The following SLC15A4 variants were observed in gnomAD, a reference collection of about 807,000 sequenced individuals.
SLC15A4 encodes the protein hPHT1.
In SLC15A4, 26 loss-of-function variants were observed where a neutral mutation model predicts 46.1. The observed-to-expected ratio is 0.56, with a 90% CI of 0.41 to 0.78. The LOEUF (loss-of-function observed/expected upper bound fraction) is 0.78, where lower values mean the gene tolerates loss of function less well. Among genes scored for constraint, SLC15A4 ranks in the 30% least tolerant of loss-of-function variants. The pLI, the probability that SLC15A4 is intolerant of heterozygous loss-of-function variation, is 0.00. For synonymous variants in SLC15A4, 370 were observed against 333.4 expected (o/e 1.11, Z -1.20); for missense variants, 751 against 755.7 (o/e 0.99, Z 0.07).
At chr12:128,816,549 G>A (rs908521422) in intron 1 of SLC15A4, among the ~76,000 whole-genome samples, 6 of 152,110 alleles carry the variant, frequency 3.9e-5, no homozygotes, top group South Asian at 2.1e-4. Flanking sequence ...AACCAATTAC[G>A]GTTGGGCATG....
In SLC15A4 at chr12:128,823,630, G is replaced by A. The variant is rs1234760300; in HGVS notation, c.314C>T (p.Ala105Val). ...LADARLGRAR[A>V]ILLSLALYLL... ...GTAGAGCGCCAGGCTCAGCAGGATG[G>A]CGCGCGCCCGGCCCAGCCGCGCGTC... The change falls in exon 1 of 8, where the codon GCC becomes GTC. Residue 105 changes from alanine to valine, a missense_variant. Transcript: ENST00000266771. The A allele has an allele frequency of 6.8e-7, 1 of 1,478,948 alleles. No homozygotes were observed. The highest frequency in any genetic ancestry group is 8.9e-7 in the Non-Finnish European group (1 of 1,119,540). 91.6% of individuals were successfully genotyped at this position (1,478,948 alleles called of 1,614,324 possible).
rs201952812 is a variant in SLC15A4 at position 128,815,291 on chromosome 12, T to C, written c.547-221A>G. 2.7e-5 allele frequency: 15 copies of C among 554,710 alleles called. No individual in the cohort carries two copies. In the East Asian group the frequency reaches 4.4e-4, roughly 16 times the overall value. The allele number at this position is 554,710 out of a possible 1,614,324, so 34.4% of individuals were successfully genotyped here. A position where few individuals can be genotyped will look rare whatever the true frequency, so the allele number is the denominator to read the frequency against. ...CTAGGTAGGTTTCACTTAATTACACTAAATTCCAACAAATGCTAGAGAGTT... is the reference window on the plus strand; with the variant it reads ...CTAGGTAGGTTTCACTTAATTACACCAAATTCCAACAAATGCTAGAGAGTT... On this transcript the variant is annotated intron_variant, in intron 1 of 7. Coordinates refer to ENST00000266771, the MANE Select transcript of SLC15A4 (RefSeq NM_145648.4).
chr12:128,799,974 T>G (rs1043012975), intron 6 of SLC15A4, among the ~76,000 whole-genome samples: 9 of 152,160 alleles, frequency 5.9e-5, no homozygotes, highest in Non-Finnish European at 1.3e-4. Context: ...CCCGAGTAGC[T>G]GGGATTACAG....
chr12:128,809,974 G>A lies in SLC15A4; in HGVS notation c.980C>T (p.Ala327Val). ...ATACACTGTCCAGTAAGGTATCAAA[G>A]CCAAGAAAACAGGGACAATCTTGAC... ...ALVKIVPVFL[A>V]LIPYWTVYFQ... Residue 327 changes from alanine to valine, a missense_variant, in exon 3 of 8, where the codon GCT becomes GTT. Transcript: ENST00000266771. The A allele has an allele frequency of 6.2e-7, 1 of 1,614,090 alleles. No homozygotes were observed. The highest frequency in any genetic ancestry group is 1.1e-5 in the South Asian group (1 of 91,066).
intron 5 of SLC15A4, chr12:128,801,298 G>A (rs1296999045): frequency 7.7e-6 from 2 of 259,110 alleles, no homozygotes; most frequent in African/African-American, 4.5e-5. Context: ...TATCTGGATT[G>A]CTCACCCATA....
chr12:128,817,095 G>A (rs775965480), intron 1 of SLC15A4, among the ~76,000 whole-genome samples: 2 of 152,150 alleles, frequency 1.3e-5, no homozygotes, highest in Admixed American at 6.5e-5. Context: ...CACTTCAAAC[G>A]AAAAATCTAA....
At chr12:128,819,108 A>G (rs1186052286) in intron 1 of SLC15A4, among the ~76,000 whole-genome samples, 1 of 152,208 alleles carries the variant, frequency 6.6e-6, no homozygotes, top group Non-Finnish European at 1.5e-5. Context: ...TTTTTTCTAT[A>G]CATAAAAAAT....
chr12:128,800,841 TA>T lies in SLC15A4; in HGVS notation c.1414+12del. 6.2e-7 allele frequency: 1 copy of T among 1,604,376 alleles called. No homozygotes were observed. On this transcript the variant is annotated intron_variant, in intron 6 of 7. Coordinates refer to ENST00000266771, the MANE Select transcript of SLC15A4 (RefSeq NM_145648.4). ...GCCTGGACTCAGACACCTCCGGCAC[TA>T]AAGGTCCTCACCTGCGATACTTGCA...
intron 5 of SLC15A4, 197 bp from the exon 6 acceptor site, chr12:128,801,206 C>G: frequency 4.1e-6 from 2 of 490,968 alleles, no homozygotes; most frequent in South Asian, 6.7e-5. Flanking sequence ...GAGGTCATGG[C>G]ATAGCACACC....
Position 128,799,268 on chromosome 12 carries a change from T to C in SLC15A4, c.1564A>G (p.Thr522Ala), listed in dbSNP as rs898583674. 1 of 1,614,156 alleles carries C rather than the reference T, an allele frequency of 6.2e-7. No individual in the cohort carries two copies. The highest frequency in any genetic ancestry group is 8.5e-7 in the Non-Finnish European group (1 of 1,180,030). ...IKAIGWMSSH[T>A]DFGNINGCYL... ...GGATGCTGGCTCTTACCAAAGTCTG[T>C]GTGACTGCTCATCCATCCGATGGCT... The change falls in exon 7 of 8, where the codon ACA becomes GCA. Residue 522 changes from threonine to alanine, a missense_variant. Coordinates refer to ENST00000266771, the MANE Select transcript of SLC15A4 (RefSeq NM_145648.4).
chr12:128,809,217 T>TAG, intron 4 of SLC15A4, 179 bp downstream of exon 4: 4 of 586,610 alleles, frequency 6.8e-6, no homozygotes, highest in Non-Finnish European at 1.2e-5. Flanking sequence ...CAACCTAATC[T>TAG]AGCAAATGAT....
chr12:128,808,903 G>T lies in SLC15A4; in HGVS notation c.1143C>A (p.Ile381=). 9.9e-6 allele frequency: 16 copies of T among 1,614,218 alleles called. No individual in the cohort carries two copies. The highest frequency in any genetic ancestry group is 1.3e-5 in the Non-Finnish European group (15 of 1,180,030). Residue 381 remains isoleucine, a synonymous_variant, in exon 5 of 8, where the codon ATC becomes ATA. Coordinates refer to ENST00000266771, the MANE Select transcript of SLC15A4 (RefSeq NM_145648.4). ...GATCGACCAGTTTGTCCTTCAGAGG[G>T]ATGAGCAGGAGGATGAGCACAGCAT... ...MFDAVLILLL[I]PLKDKLVDPI... is the part of the protein sequence containing the mutation.
intron 1 of SLC15A4, among the ~76,000 whole-genome samples, chr12:128,820,518 A>C (rs992337456): frequency 6.6e-6 from 1 of 152,212 alleles, no homozygotes; most frequent in African/African-American, 2.4e-5. Flanking sequence ...ACACAGGCAG[A>C]GTGAAAGCTC....
chr12:128,796,262 A>G (rs1223096997), intron 7 of SLC15A4, among the ~76,000 whole-genome samples: 1 of 152,048 alleles, frequency 6.6e-6, no homozygotes, highest in African/African-American at 2.4e-5. Flanking sequence ...CGTCTCTACT[A>G]AAAATACAAA....
chr12:128,820,679 T>C (rs1955820469), intron 1 of SLC15A4, among the ~76,000 whole-genome samples: 1 of 152,306 alleles, frequency 6.6e-6, no homozygotes, highest in South Asian at 2.1e-4. Flanking sequence ...TGTAGACATG[T>C]AGACATGTAG....
intron 1 of SLC15A4, chr12:128,819,908 C>T (rs1955810764): frequency 6.6e-6 from 1 of 152,432 alleles, no homozygotes; most frequent in East Asian, 1.9e-4. Context: ...GTCAGGCTGC[C>T]AGGGCCCCAA....
At chr12:128,802,939 A>G (rs1955534781) in intron 5 of SLC15A4, among the ~76,000 whole-genome samples, 1 of 152,168 alleles carries the variant, frequency 6.6e-6, no homozygotes, top group African/African-American at 2.4e-5. Flanking sequence ...CCCAGTCACG[A>G]GCGAGGCGGA....
Position 128,799,370 on chromosome 12 carries a change from T to A in SLC15A4, c.1462A>T (p.Ile488Leu). ...GAGAAGAAAAAGAACAAGCCCATTA[T>A]GGCACTCTGCATGGACTTGGGGGCA... Reference protein sequence around the residue: ...SAAPKSMQSAIMGLFFFFSGV... With the variant: ...SAAPKSMQSALMGLFFFFSGV... The change falls in exon 7 of 8, where the codon ATA becomes TTA. Residue 488 changes from isoleucine to leucine, a missense_variant. By Grantham distance (5) the Ile-to-Leu change is conservative. Transcript: ENST00000266771. The A allele has an allele frequency of 1.2e-6, 2 of 1,614,212 alleles. No homozygotes were observed. The highest frequency in any genetic ancestry group is 8.5e-7 in the Non-Finnish European group (1 of 1,180,052).
intron 7 of SLC15A4, among the ~76,000 whole-genome samples, chr12:128,798,288 G>A (rs116475481): frequency 6.6e-6 from 1 of 152,308 alleles, no homozygotes; most frequent in African/African-American, 2.4e-5. Flanking sequence ...AGGTGGGAAT[G>A]AAACACCAGC....
Sources: gnomAD v4.1 joint callset for allele counts (sites outside exome capture counted in the v4.1 genomes callset) on GRCh38, gnomAD v4.1.1 for gene constraint, MANE v1.5 for transcripts, NCBI Gene and HGNC (gene_info 2026-07-23, HGNC 2026-07-21) for gene names.